S100A16: variants seen among roughly 807,000 people sequenced by gnomAD.
S100A16 encodes the protein protein S100-A16.
S100A16 carries 8 observed loss-of-function variants against 9.0 expected under a neutral mutation model. That is an observed-to-expected ratio of 0.89 (90% CI 0.52 to 1.60). The LOEUF (loss-of-function observed/expected upper bound fraction) is 1.60, where lower values mean the gene tolerates loss of function less well. Among genes scored for constraint, S100A16 ranks in the 40% most tolerant of loss-of-function variants. The probability of loss-of-function intolerance (pLI) is 0.00; values close to 1 mark genes in which losing one functional copy is unlikely to be tolerated. For missense variants in S100A16, 138 were observed against 132.4 expected, an observed-to-expected ratio of 1.04 and a Z score of -0.21; for synonymous variants, 51 against 51.4, an observed-to-expected ratio of 0.99 and a Z score of 0.04.
chr1:153,607,543 G>T lies in S100A16; in HGVS notation c.303C>A (p.Ser101Arg). 1 of 1,614,180 alleles carries T rather than the reference G, an allele frequency of 6.2e-7. No homozygotes were observed. The highest frequency in any genetic ancestry group is 8.5e-7 in the Non-Finnish European group (1 of 1,180,016). Reference sequence around the variant, plus strand: ...GTGGCCAAAGGGGTCTCTAGCTGCTGCTCTGCTGCTCCTGCTCATGGATGA... The same window carrying T: ...GTGGCCAAAGGGGTCTCTAGCTGCTTCTCTGCTGCTCCTGCTCATGGATGA... The part of the protein sequence containing the change: ...AKLIHEQEQQ[S>R]SS The change falls in exon 3 of 3, where the codon AGC (serine) becomes AGA (arginine). Residue 101 changes from serine to arginine, a missense_variant. Physicochemically the swap from Ser to Arg is moderately radical, Grantham distance 110. Coordinates refer to ENST00000368706, the MANE Select transcript of S100A16 (RefSeq NM_080388.3).
intron 1 of S100A16, chr1:153,608,863 C>T: frequency 1.1e-6 from 1 of 944,986 alleles, no homozygotes; most frequent in Non-Finnish European, 1.3e-6. Context: ...AAATACACAG[C>T]AGGACCCAAG....
intron 2 of S100A16, 99 bp from the exon 3 acceptor site, chr1:153,607,791 G>A: frequency 6.9e-7 from 1 of 1,459,518 alleles, no homozygotes. Context: ...CTGCACAGCT[G>A]CTTCCCTTGG....
At chr1:153,607,926 AC>A in intron 2 of S100A16, 72 bp downstream of exon 2, 1 of 1,481,076 alleles carries the variant, frequency 6.8e-7, no homozygotes, top group Non-Finnish European at 9.3e-7. Context: ...AGGGAAAGAC[AC>A]CCTCAGAGGC....
rs1431796483 is a variant in S100A16, at chr1:153,608,137, G to A, written c.15C>T (p.Tyr5=). The A allele has an allele frequency of 3.1e-6, 5 of 1,613,770 alleles. No homozygotes were observed. Among genetic ancestry groups the A allele is most frequent in the Non-Finnish European group, 3.4e-6 (4 of 1,179,924 alleles). MSDC[Y]TELEKAVIVL... ...CAATGACTGCCTTCTCCAGCTCCGT[G>A]TAGCAGTCTGACATCTCCCTGCTTC... The change falls in exon 2 of 3, where the codon TAC becomes TAT. Residue 5 remains tyrosine (Y), a synonymous_variant. Coordinates refer to ENST00000368706, the MANE Select transcript of S100A16 (RefSeq NM_080388.3).
At chr1:153,608,254 C>G in intron 1 of S100A16, 77 bp from the exon 2 acceptor site, 1 of 1,256,408 alleles carries the variant, frequency 8.0e-7, no homozygotes, top group Non-Finnish European at 1.1e-6. Context: ...CCACCCTAGG[C>G]CCTGGGTCCC....
chr1:153,611,663 C>T (rs772754606), intron 1 of S100A16, among the ~76,000 whole-genome samples: 3 of 151,964 alleles, frequency 2.0e-5, no homozygotes, highest in South Asian at 4.2e-4. Flanking sequence ...ACTCATTTGT[C>T]CTCTCTAACT....
chr1:153,611,917 T>TCTCTCA (rs745663701), intron 1 of S100A16, among the ~76,000 whole-genome samples: 11 of 140,792 alleles, frequency 7.8e-5, no homozygotes, highest in African/African-American at 2.9e-4. Flanking sequence ...TGTCTCTCTC[T>TCTCTCA]CACACACACA....
chr1:153,607,157 A>T lies in S100A16; in HGVS notation c.*377T>A. The T allele has an allele frequency of 2.3e-6, 1 of 442,730 alleles. No individual in the cohort carries two copies. The highest frequency in any genetic ancestry group is 2.6e-5 in the Admixed American group (1 of 38,390). 27.4% of individuals were successfully genotyped at this position (442,730 alleles called of 1,614,324 possible). On this transcript the variant is annotated 3_prime_UTR_variant, in exon 3 of 3. Transcript: ENST00000368706. ...TACCACTGCCACCAAGAGCAGGGAG[A>T]CCTCAAGCACCAAGCTGACCTTTGG...
intron 1 of S100A16, 24 bp from the exon 2 acceptor site, chr1:153,608,201 T>A (rs1018269185): frequency 1.2e-6 from 2 of 1,603,360 alleles, no homozygotes; most frequent in African/African-American, 2.7e-5. Context: ...GGAGGGGAGA[T>A]GAGAAGAGAC....
At chr1:153,610,767 C>T (rs1666817554) in intron 1 of S100A16, among the ~76,000 whole-genome samples, 1 of 152,078 alleles carries the variant, frequency 6.6e-6, no homozygotes, top group Non-Finnish European at 1.5e-5. Context: ...TCCTCCTCTG[C>T]CTCCCTCCCC....
At position 153,606,981 on chromosome 1, in the gene S100A16, CAGG is replaced by C; in HGVS notation, c.*550_*552del. Reference sequence around the variant, plus strand: ...TTTATATCATCATTATTTCAAGCAACAGGAGGAGGCTCAGCCTTGCTTAGCTCA... The same window carrying C: ...TTTATATCATCATTATTTCAAGCAACAGGAGGCTCAGCCTTGCTTAGCTCA... On this transcript the variant is annotated 3_prime_UTR_variant, in exon 3 of 3. Coordinates refer to ENST00000368706, the MANE Select transcript of S100A16 (RefSeq NM_080388.3). 7.9e-6 allele frequency: 2 copies of C among 252,346 alleles called. No homozygotes were observed. Among genetic ancestry groups the C allele is most frequent in the Non-Finnish European group, 1.6e-5 (2 of 123,952 alleles). 15.6% of individuals were successfully genotyped at this position (252,346 alleles called of 1,614,324 possible).
At chr1:153,611,065 T>A (rs1037585725) in intron 1 of S100A16, among the ~76,000 whole-genome samples, 2 of 151,582 alleles carry the variant, frequency 1.3e-5, no homozygotes, top group African/African-American at 4.9e-5. Context: ...ACCTCAGGCC[T>A]CCAGCCCTAC....
intron 2 of S100A16, 136 bp downstream of exon 2, chr1:153,607,863 G>A (rs1223251992): frequency 3.4e-6 from 4 of 1,172,746 alleles, no homozygotes; most frequent in Non-Finnish European, 4.9e-6. Flanking sequence ...GAGGCCTGGG[G>A]GTGTAGAAGA....
chr1:153,611,227 G>A (rs1571269973), intron 1 of S100A16, among the ~76,000 whole-genome samples: 2 of 119,464 alleles, frequency 1.7e-5, no homozygotes, highest in Admixed American at 1.8e-4. Context: ...AGCCACTCCA[G>A]CCCCACCCTC....
intron 1 of S100A16, among the ~76,000 whole-genome samples, chr1:153,611,914 C>T (rs1011379979): frequency 2.3e-5 from 3 of 130,312 alleles, no homozygotes; most frequent in Non-Finnish European, 4.7e-5. Flanking sequence ...CTTTGTCTCT[C>T]TCTCACACAC....
At chr1:153,608,764 G>C (rs1455470799) in intron 1 of S100A16, 2 of 264,306 alleles carry the variant, frequency 7.6e-6, no homozygotes, top group Non-Finnish European at 5.9e-6. Flanking sequence ...GAAAGGACAA[G>C]GTCCAGATCA....
chr1:153,611,856 G>GGTTGTGAGGTAACC (rs56366330), intron 1 of S100A16, among the ~76,000 whole-genome samples: 2 of 150,710 alleles, frequency 1.3e-5, no homozygotes, highest in East Asian at 2.0e-4. Context: ...GGCCTGCTTG[G>GGTTGTGAGGTAACC]CCCTGCCTCA....
intron 1 of S100A16, 139 bp from the exon 2 acceptor site, chr1:153,608,316 A>C: frequency 1.5e-6 from 1 of 683,676 alleles, no homozygotes; most frequent in East Asian, 2.7e-5. Context: ...GGAAAAGGGG[A>C]ACAGAGTGGG....
In S100A16 at chr1:153,607,410, G is replaced by A. The variant is rs1027718267; in HGVS notation, c.*124C>T. On this transcript the variant is annotated 3_prime_UTR_variant, in exon 3 of 3. Transcript: ENST00000368706. ...GGACCCCAGTTCAGCAAGGGTCAGA[G>A]GAAGGTCTGGAGGGAGAAGAGAGTA... is the stretch of plus-strand genomic sequence containing the variant. 17 of 1,112,576 alleles carry A rather than the reference G, an allele frequency of 1.5e-5. No individual in the cohort carries two copies. Among genetic ancestry groups the A allele is most frequent in the Non-Finnish European group, 2.0e-5 (15 of 761,108 alleles). The allele number at this position is 1,112,576 out of a possible 1,614,324, so 68.9% of individuals were successfully genotyped here.
Sources: gnomAD v4.1 joint callset for allele counts (sites outside exome capture counted in the v4.1 genomes callset) on GRCh38, gnomAD v4.1.1 for gene constraint, MANE v1.5 for transcripts, NCBI Gene and HGNC (gene_info 2026-07-23, HGNC 2026-07-21) for gene names.